The following CCDC174 variants were observed in gnomAD, a reference collection of about 807,000 sequenced individuals.
The protein encoded by CCDC174 is coiled-coil domain-containing protein 174.
CCDC174 carries 37 observed loss-of-function variants against 57.1 expected under a neutral mutation model. The observed-to-expected ratio is 0.65, with a 90% CI of 0.50 to 0.85. CCDC174 has a LOEUF of 0.85. CCDC174 is among the 40% of genes least tolerant of loss of function. The probability of loss-of-function intolerance (pLI) is 0.00; values close to 1 mark genes in which losing one functional copy is unlikely to be tolerated. For missense variants in CCDC174, 540 were observed against 574.3 expected, an observed-to-expected ratio of 0.94 and a Z score of 0.61; for synonymous variants, 182 against 190.2, an observed-to-expected ratio of 0.96 and a Z score of 0.35.
chr3:14,653,046 A>G (rs184366163), intron 1 of CCDC174, among the ~76,000 whole-genome samples: 8 of 152,334 alleles, frequency 5.3e-5, no homozygotes, highest in African/African-American at 1.7e-4. Context: ...GAGTATTAGG[A>G]CACAAAGTGA....
intron 10 of CCDC174, 41 bp from the exon 11 acceptor site, chr3:14,670,855 C>T (rs781604588): frequency 7.0e-6 from 10 of 1,429,218 alleles, no homozygotes; most frequent in African/African-American, 5.7e-5. Context: ...TCAACTGATT[C>T]GTTAATCAGT....
intron 4 of CCDC174, among the ~76,000 whole-genome samples, chr3:14,661,209 G>A (rs764952507): frequency 1.3e-4 from 20 of 152,224 alleles, no homozygotes; most frequent in African/African-American, 4.3e-4. Flanking sequence ...TTTTGCTTCC[G>A]TATGATGTAA....
At chr3:14,663,545 C>G (rs1232397340) in intron 5 of CCDC174, among the ~76,000 whole-genome samples, 1 of 152,120 alleles carries the variant, frequency 6.6e-6, no homozygotes, top group Non-Finnish European at 1.5e-5. Context: ...GCTGTTAGCC[C>G]TCTTGTATTA....
chr3:14,665,188 G>A, intron 6 of CCDC174, 65 bp downstream of exon 6: 1 of 1,059,240 alleles, frequency 9.4e-7, no homozygotes, highest in Non-Finnish European at 1.5e-6. Context: ...ATTGTTTTGT[G>A]AGGGGAGGCT....
Position 14,661,559 on chromosome 3 carries a change from G to A in CCDC174, c.337G>A (p.Asp113Asn). 6.2e-7 allele frequency: 1 copy of A among 1,613,676 alleles called. No homozygotes were observed. ...DEEVEDMYLV[D>N]FTQKIIDKRK... ...AGAAGTAGAGGATATGTACCTTGTG[G>A]ATTTCACACAGAAGATCATAGACAA... Residue 113 changes from aspartate (D) to asparagine (N), a missense_variant, in exon 5 of 11, where the codon GAT becomes AAT. Transcript: ENST00000383794.
chr3:14,660,329 C>G (rs534432899), intron 4 of CCDC174, among the ~76,000 whole-genome samples: 31 of 152,308 alleles, frequency 2.0e-4, no homozygotes, highest in Non-Finnish European at 3.7e-4. Context: ...CATGGCGAAA[C>G]TCCATCTCTA....
intron 9 of CCDC174, among the ~76,000 whole-genome samples, chr3:14,669,153 G>A (rs1299306351): frequency 6.6e-6 from 1 of 152,210 alleles, no homozygotes; most frequent in African/African-American, 2.4e-5. Context: ...ATGCTCAGCT[G>A]CAACCGGGGG....
At chr3:14,670,770 C>T (rs2031482143) in intron 10 of CCDC174, 126 bp from the exon 11 acceptor site, 1 of 800,552 alleles carries the variant, frequency 1.2e-6, no homozygotes, top group Non-Finnish European at 2.0e-6. Flanking sequence ...TTGCTGTTGC[C>T]ATTCTTATTC....
intron 7 of CCDC174, 41 bp downstream of exon 7, chr3:14,666,988 A>C (rs769461395): frequency 6.6e-7 from 1 of 1,519,276 alleles, no homozygotes; most frequent in Non-Finnish European, 8.9e-7. Context: ...CTTATTTTTA[A>C]CCTTAAACTG....
rs2030930688 is a variant in CCDC174, at chr3:14,655,583, G to C, written c.202G>C (p.Asp68His). ...NVGVSNRAEKDAEQKIEEQKT... is the reference protein window; with the variant it reads ...NVGVSNRAEKHAEQKIEEQKT... The stretch of plus-strand genomic sequence containing the variant: ...AGGCGTTTCAAATCGAGCTGAGAAG[G>C]ATGCTGAACAGAAGATTGAAGAACA... Residue 68 changes from aspartate to histidine, a missense_variant, in exon 3 of 11, where the codon GAT (aspartate) becomes CAT (histidine). By Grantham distance (81) the Asp-to-His change is moderately conservative. Coordinates refer to ENST00000383794, the MANE Select transcript of CCDC174 (RefSeq NM_016474.5). The C allele has an allele frequency of 2.5e-6, 4 of 1,610,204 alleles. No individual in the cohort carries two copies. In the South Asian group the frequency reaches 3.3e-5, roughly 13 times the overall value.
intron 9 of CCDC174, among the ~76,000 whole-genome samples, chr3:14,668,522 T>A (rs1026622476): frequency 9.9e-5 from 15 of 152,132 alleles, no homozygotes; most frequent in Admixed American, 6.5e-5. Context: ...ATTGGTTATT[T>A]TATATATATA....
chr3:14,651,842 C>T lies in CCDC174; in HGVS notation c.6C>T (p.Asp2=), dbSNP rs1464714681. M[D]RRKKPLDVTA... is the part of the protein sequence containing the mutation. The stretch of plus-strand genomic sequence containing the variant: ...CGGGACCCTCTGCCACGACCATGGA[C>T]CGTAGGAAAAAGCCTTTGGACGTCA... The change falls in exon 1 of 11, where the codon GAC becomes GAT. Residue 2 remains aspartate, a synonymous_variant. Transcript: ENST00000383794. 1.2e-5 allele frequency: 20 copies of T among 1,613,984 alleles called. No individual in the cohort carries two copies. The highest frequency in any genetic ancestry group is 1.6e-5 in the Non-Finnish European group (19 of 1,180,002).
intron 5 of CCDC174, among the ~76,000 whole-genome samples, chr3:14,664,746 C>T (rs2031258735): frequency 6.6e-6 from 1 of 152,190 alleles, no homozygotes; most frequent in Admixed American, 6.5e-5. Context: ...GTAGATGCTG[C>T]AGCAAAATTC....
chr3:14,658,737 G>A, intron 3 of CCDC174, 134 bp from the exon 4 acceptor site: 1 of 938,280 alleles, frequency 1.1e-6, no homozygotes, highest in Non-Finnish European at 1.6e-6. Context: ...GGATGGTGTG[G>A]TCTGTGCTGG....
intron 2 of CCDC174, among the ~76,000 whole-genome samples, chr3:14,655,252 A>C (rs2030911119): frequency 6.6e-6 from 1 of 152,118 alleles, no homozygotes; most frequent in Non-Finnish European, 1.5e-5. Flanking sequence ...TTGAGGCTGC[A>C]GTGAGCTGAG....
rs1281891026 is a variant in CCDC174 at position 14,651,796 on chromosome 3, T to C, written c.-41T>C. On this transcript the variant is annotated 5_prime_UTR_variant, in exon 1 of 11. Coordinates refer to ENST00000383794, the MANE Select transcript of CCDC174 (RefSeq NM_016474.5). ...GTAGGCTTACGAGGCCTGTGTCGGG[T>C]AGAAAGGGTCCTTCCTGGACCGGGA... 6.2e-7 allele frequency: 1 copy of C among 1,610,448 alleles called. No homozygotes were observed. Among genetic ancestry groups the C allele is most frequent in the East Asian group, 2.2e-5 (1 of 44,822 alleles).
At position 14,667,725 on chromosome 3, in the gene CCDC174, C is replaced by T. The variant is rs113109938; in HGVS notation, c.819+207C>T. ...GTAACTTTGATGTTTTAAATCTGGT[C>T]CCAAATGTGGTACTTTTGGGGTGGC... On this transcript the variant is annotated intron_variant, in intron 8 of 10. Coordinates refer to ENST00000383794, the MANE Select transcript of CCDC174 (RefSeq NM_016474.5). Among the ~76,000 whole-genome samples, 813 of 152,140 alleles carry T rather than the reference C, an allele frequency of 5.3e-3. 4 individuals carry two copies. The highest frequency in any genetic ancestry group is 0.017 in the African/African-American group (723 of 41,488).
intron 1 of CCDC174, 24 bp from the exon 2 acceptor site, chr3:14,654,402 G>T: frequency 8.0e-7 from 1 of 1,245,316 alleles, no homozygotes; most frequent in East Asian, 2.4e-5. Context: ...TAATATTTTT[G>T]TTTACTTACT....
intron 5 of CCDC174, among the ~76,000 whole-genome samples, chr3:14,664,751 A>G (rs906182114): frequency 4.6e-5 from 7 of 152,232 alleles, no homozygotes; most frequent in Non-Finnish European, 7.3e-5. Context: ...TGCTGCAGCA[A>G]AATTCCGTGT....
Sources: gnomAD v4.1 joint callset for allele counts (sites outside exome capture counted in the v4.1 genomes callset) on GRCh38, gnomAD v4.1.1 for gene constraint, MANE v1.5 for transcripts, NCBI Gene and HGNC (gene_info 2026-07-23, HGNC 2026-07-21) for gene names.